Variants in CCDC61 observed in about 807,000 individuals in gnomAD.
The protein encoded by CCDC61 is centrosomal protein CCDC61.
CCDC61 carries 55 observed loss-of-function variants against 63.0 expected under a neutral mutation model. The observed-to-expected ratio is 0.87, with a 90% confidence interval of 0.70 to 1.09. The LOEUF (loss-of-function observed/expected upper bound fraction) is 1.09. CCDC61 is among the 50% of genes least tolerant of loss of function. The pLI is 0.00. For synonymous variants in CCDC61, 270 were observed against 317.0 expected, an observed-to-expected ratio of 0.85 and a Z score of 1.58; for missense variants, 651 against 731.4, an observed-to-expected ratio of 0.89 and a Z score of 1.27.
At chr19:46,000,117 G>C (rs1279892311) in intron 1 of CCDC61, 1 of 956,904 alleles carries the variant, frequency 1.0e-6, no homozygotes, top group Admixed American at 6.2e-5. Context: ...GGGAATCCTA[G>C]AAGTGGCGGT....
chr19:45,997,826 A>G (rs1225763467), intron 1 of CCDC61, among the ~76,000 whole-genome samples: 2 of 152,148 alleles, frequency 1.3e-5, no homozygotes, highest in African/African-American at 4.8e-5. Context: ...AGCTGGAACT[A>G]CAGGCATATG....
chr19:46,009,560 A>G (rs959987468), intron 5 of CCDC61, among the ~76,000 whole-genome samples: 2 of 152,196 alleles, frequency 1.3e-5, no homozygotes, highest in African/African-American at 4.8e-5. Context: ...TAATATGGCT[A>G]GGCTGGACCT....
chr19:46,001,031 G>C (rs566247450), intron 1 of CCDC61, among the ~76,000 whole-genome samples: 1 of 151,314 alleles, frequency 6.6e-6, no homozygotes, highest in Non-Finnish European at 1.5e-5. Context: ...GTTCAGTTCC[G>C]TGGGTGCCTC....
chr19:46,003,240 C>A, intron 2 of CCDC61, 74 bp downstream of exon 2: 1 of 1,506,990 alleles, frequency 6.6e-7, no homozygotes, highest in South Asian at 1.3e-5. Flanking sequence ...TCAGGCCACC[C>A]TGAATCCTGC....
chr19:46,012,540 G>A (rs1446447777), intron 5 of CCDC61, among the ~76,000 whole-genome samples: 3 of 152,180 alleles, frequency 2.0e-5, no homozygotes, highest in South Asian at 2.1e-4. Flanking sequence ...CCAGCTACTC[G>A]GGAGGCTGAG....
rs369281254 is a variant in CCDC61 at position 46,016,203 on chromosome 19, G to A, written c.995G>A (p.Arg332His). The A allele has an allele frequency of 2.3e-5, 32 of 1,395,246 alleles. No homozygotes were observed. Among genetic ancestry groups the A allele is most frequent in the Non-Finnish European group, 3.0e-5 (32 of 1,076,736 alleles). The allele number at this position is 1,395,246 out of a possible 1,614,324, so 86.4% of individuals were successfully genotyped here. ...RGSRGRGRPA[R>H]PSPSPTGGRA... ...AGCCGGGGTCGGGGCCGCCCTGCGCGCCCCTCGCCCTCGCCCACAGGTCTG... is the reference window on the plus strand; with the variant it reads ...AGCCGGGGTCGGGGCCGCCCTGCGCACCCCTCGCCCTCGCCCACAGGTCTG... The change falls in exon 8 of 14, where the codon CGC becomes CAC. Residue 332 changes from arginine to histidine, a missense_variant. Transcript: ENST00000595358. The surrounding 1 kb of genome is among the most constrained non-coding windows in gnomAD (Gnocchi z 7.2).
At chr19:46,002,392 C>G (rs1968607486) in intron 1 of CCDC61, among the ~76,000 whole-genome samples, 1 of 151,268 alleles carries the variant, frequency 6.6e-6, no homozygotes, top group Admixed American at 6.6e-5. Context: ...TAAATTAATA[C>G]TAATATTAAT....
At chr19:46,007,373 C>T (rs1600646529) in intron 4 of CCDC61, among the ~76,000 whole-genome samples, 1 of 152,264 alleles carries the variant, frequency 6.6e-6, no homozygotes, top group East Asian at 1.9e-4. Context: ...TCATCTTTAT[C>T]TCTTCATGGC....
intron 3 of CCDC61, among the ~76,000 whole-genome samples, chr19:46,005,251 C>T (rs1968683752): frequency 2.2e-5 from 1 of 46,024 alleles, no homozygotes; most frequent in African/African-American, 9.2e-5. Context: ...CTCAAGTGAT[C>T]CACCTGCCTC....
Position 46,015,324 on chromosome 19 carries a change from G to A in CCDC61, c.763-21G>A. The A allele has an allele frequency of 6.3e-7, 1 of 1,592,950 alleles. No individual in the cohort carries two copies. Among genetic ancestry groups the A allele is most frequent in the Non-Finnish European group, 8.5e-7 (1 of 1,176,010 alleles). Reference sequence around the variant, plus strand: ...CCTCGGCCTCAGCCTGGACCTCCGCGCCCCTCTCCCCTCCCGGCAGCTCGA... The same window carrying A: ...CCTCGGCCTCAGCCTGGACCTCCGCACCCCTCTCCCCTCCCGGCAGCTCGA... On this transcript the variant is annotated intron_variant, in intron 6 of 13. Coordinates refer to ENST00000595358, the MANE Select transcript of CCDC61 (RefSeq NM_001267723.2). This position sits in a 1 kb window ranked among gnomAD's most constrained non-coding sequence, Gnocchi z 5.3.
intron 3 of CCDC61, 189 bp downstream of exon 3, chr19:46,003,690 A>G: frequency 2.0e-6 from 1 of 498,120 alleles, no homozygotes; most frequent in Admixed American, 3.5e-5. Context: ...ATTCTCATGT[A>G]GAAAATTTAG....
Position 46,018,113 on chromosome 19 carries a change from A to G in CCDC61, c.1404A>G (p.Lys468=). 6.2e-7 allele frequency: 1 copy of G among 1,610,890 alleles called. No individual in the cohort carries two copies. The highest frequency in any genetic ancestry group is 8.5e-7 in the Non-Finnish European group (1 of 1,178,700). Residue 468 remains lysine (K), a synonymous_variant, in exon 13 of 14, where the codon AAA becomes AAG. Transcript: ENST00000595358. The surrounding 1 kb of genome is among the most constrained non-coding windows in gnomAD (Gnocchi z 4.2). ...SPPVERSHHQ[K]SLANSGGWVP... ...CCGTGGAACGCAGCCACCATCAGAA[A>G]TCTCTGGCCAACTCCGGGGGCTGGG...
At chr19:46,003,819 ACGTGTGTGTG>A (rs1410420330) in intron 3 of CCDC61, among the ~76,000 whole-genome samples, 10 of 110,570 alleles carry the variant, frequency 9.0e-5, no homozygotes, top group African/African-American at 3.6e-4. Flanking sequence ...GTTTCCAAAT[ACGTGTGTGTG>A]TGTGTGTGTG....
chr19:46,002,595 T>G (rs575711659), intron 1 of CCDC61, among the ~76,000 whole-genome samples: 1 of 152,026 alleles, frequency 6.6e-6, no homozygotes, highest in South Asian at 2.1e-4. Context: ...TTTTGTATTT[T>G]TAGTAGAGGT....
intron 3 of CCDC61, among the ~76,000 whole-genome samples, chr19:46,003,817 ATACGTG>A (rs1968641011): frequency 8.3e-6 from 1 of 120,170 alleles, no homozygotes; most frequent in African/African-American, 3.4e-5. Flanking sequence ...TTGTTTCCAA[ATACGTG>A]TGTGTGTGTG....
chr19:46,018,078 A>T lies in CCDC61; in HGVS notation c.1369A>T (p.Lys457Ter), dbSNP rs1422107178. 2.5e-6 allele frequency: 4 copies of T among 1,608,918 alleles called. No individual in the cohort carries two copies. The highest frequency in any genetic ancestry group is 3.4e-6 in the Non-Finnish European group (4 of 1,177,978). Reference sequence around the variant, plus strand: ...CCTTTCCTACCTTCCCCATCACCAGAAGTCTCCCCCCGTGGAACGCAGCCA... The same window carrying T: ...CCTTTCCTACCTTCCCCATCACCAGTAGTCTCCCCCCGTGGAACGCAGCCA... ...SPTPWSGSNMKSPPVERSHHQ... is the reference protein window; with the variant it reads ...SPTPWSGSNM The change falls in exon 13 of 14, where the codon AAG becomes TAG. Residue 457 changes from lysine to a stop codon, truncating the protein, a stop_gained and splice_region_variant. Transcript: ENST00000595358. LOFTEE classifies it high-confidence loss of function. This position sits in a 1 kb window ranked among gnomAD's most constrained non-coding sequence, Gnocchi z 4.2.
In CCDC61 at chr19:46,016,506, C is replaced by T; in HGVS notation, c.1091+113C>T. 1.4e-6 allele frequency: 2 copies of T among 1,405,954 alleles called. No individual in the cohort carries two copies. The highest frequency in any genetic ancestry group is 2.5e-5 in the South Asian group (2 of 80,176). 87.1% of individuals were successfully genotyped at this position (1,405,954 alleles called of 1,614,324 possible). On this transcript the variant is annotated intron_variant, in intron 9 of 13. Coordinates refer to ENST00000595358, the MANE Select transcript of CCDC61 (RefSeq NM_001267723.2). This position sits in a 1 kb window ranked among gnomAD's most constrained non-coding sequence, Gnocchi z 7.2. ...CATCCCCTGCCACCTGCTCGCTTCT[C>T]GCCGGATACCCCGCCTGCTCTCCCT...
Position 45,995,518 on chromosome 19 carries a change from G to C in CCDC61, c.-12+14G>C. On this transcript the variant is annotated intron_variant, in intron 1 of 13. Transcript: ENST00000595358. ...CTAGTGGAGAAGGTGAGAGGCCGCG[G>C]GAGTGGCGGTTGCGCGGGCCGTGGT... 1.9e-6 allele frequency: 1 copy of C among 519,010 alleles called. No individual in the cohort carries two copies. Among genetic ancestry groups the C allele is most frequent in the Non-Finnish European group, 4.0e-6 (1 of 252,406 alleles). 32.2% of individuals were successfully genotyped at this position (519,010 alleles called of 1,614,324 possible).
In CCDC61 at chr19:46,016,022, CG is replaced by C; in HGVS notation, c.846-29del. 1 of 1,233,770 alleles carries C rather than the reference CG, an allele frequency of 8.1e-7. No individual in the cohort carries two copies. The highest frequency in any genetic ancestry group is 1.0e-6 in the Non-Finnish European group (1 of 990,078). 76.4% of individuals were successfully genotyped at this position (1,233,770 alleles called of 1,614,324 possible). A position where few individuals can be genotyped will look rare whatever the true frequency, so the allele number is the denominator to read the frequency against. On this transcript the variant is annotated intron_variant, in intron 7 of 13. Transcript: ENST00000595358. This position sits in a 1 kb window ranked among gnomAD's most constrained non-coding sequence, Gnocchi z 7.2. Reference sequence around the variant, plus strand: ...TCGCGATTGAGTTTGTCGGGGCGGGCGGGAAGCTGACAGCTGCCTCTGTGGT... The same window carrying C: ...TCGCGATTGAGTTTGTCGGGGCGGGCGGAAGCTGACAGCTGCCTCTGTGGT...
Sources: gnomAD v4.1 joint callset for allele counts (sites outside exome capture counted in the v4.1 genomes callset) on GRCh38, gnomAD v4.1.1 for gene constraint, Gnocchi (gnomAD v3.1) non-coding constraint, MANE v1.5 for transcripts, NCBI Gene and HGNC (gene_info 2026-07-23, HGNC 2026-07-21) for gene names.